The following GULP1 variants were observed in gnomAD, a reference collection of about 807,000 sequenced individuals.
GULP1 encodes the protein GULP PTB domain containing engulfment adaptor 1, also known as PTB domain-containing engulfment adapter protein 1.
A neutral mutation model predicts 40.9 loss-of-function variants in GULP1; 19 were observed. That is an observed-to-expected ratio of 0.46 (90% confidence interval 0.32 to 0.68). The LOEUF (loss-of-function observed/expected upper bound fraction) is 0.68. GULP1 is among the 30% of genes least tolerant of loss of function. The pLI is 0.03. For missense variants in GULP1, 312 were observed against 362.2 expected (o/e 0.86, Z 1.12); for synonymous variants, 119 against 117.6 (o/e 1.01, Z -0.08).
intron 10 of GULP1, among the ~76,000 whole-genome samples, chr2:188,586,873 A>T (rs1469515373): frequency 6.6e-6 from 1 of 151,570 alleles, no homozygotes; most frequent in Non-Finnish European, 1.5e-5. Flanking sequence ...TTTCTTTTTT[A>T]ATTTTTTAAT....
At chr2:188,576,527 A>C (rs1006263288) in intron 9 of GULP1, among the ~76,000 whole-genome samples, 2 of 152,174 alleles carry the variant, frequency 1.3e-5, no homozygotes, top group Non-Finnish European at 2.9e-5. Context: ...CTCATATAAA[A>C]ATTGATATGA....
chr2:188,373,728 A>G (rs1296993690), intron 1 of GULP1, among the ~76,000 whole-genome samples: 1 of 151,938 alleles, frequency 6.6e-6, no homozygotes, highest in African/African-American at 2.4e-5. Flanking sequence ...AAAATACCTT[A>G]TTAGAGTAGA....
chr2:188,460,874 C>T (rs2059647603), intron 2 of GULP1, among the ~76,000 whole-genome samples: 2 of 152,058 alleles, frequency 1.3e-5, no homozygotes, highest in Admixed American at 1.3e-4. Context: ...GTTGAATTTT[C>T]AGCATCAATT....
At position 188,580,385 on chromosome 2, in the gene GULP1, C is replaced by G. The variant is rs113741811; in HGVS notation, c.610-3880C>G. Among the ~76,000 whole-genome samples the G allele has an allele frequency of 2.7e-3, 411 of 151,856 alleles. 2 individuals carry two copies. Among genetic ancestry groups the G allele is most frequent in the African/African-American group, 9.4e-3 (390 of 41,408 alleles). ...CGGCTAAAACGGTGAAACCCCGTCT[C>G]TACTAAAAATACAAAAAATTAGCCG... On this transcript the variant is annotated intron_variant, in intron 9 of 11. Transcript: ENST00000409830.
chr2:188,566,044 G>A (rs1424616617), intron 7 of GULP1, among the ~76,000 whole-genome samples: 2 of 152,078 alleles, frequency 1.3e-5, no homozygotes, highest in Non-Finnish European at 2.9e-5. Context: ...AGGCATAAGA[G>A]ACATTCTGGT....
At chr2:188,512,348 A>T (rs1220628158) in intron 4 of GULP1, among the ~76,000 whole-genome samples, 2 of 152,144 alleles carry the variant, frequency 1.3e-5, no homozygotes, top group African/African-American at 2.4e-5. Flanking sequence ...TATTATAAAA[A>T]GTAGGAATTA....
intron 2 of GULP1, among the ~76,000 whole-genome samples, chr2:188,454,927 G>A (rs1025596927): frequency 3.9e-5 from 6 of 152,024 alleles, no homozygotes; most frequent in East Asian, 1.9e-4. Context: ...GTTCCAATCC[G>A]GCCTGGGAAA....
At chr2:188,398,913 A>G (rs1378971202) in intron 2 of GULP1, among the ~76,000 whole-genome samples, 1 of 152,222 alleles carries the variant, frequency 6.6e-6, no homozygotes, top group Non-Finnish European at 1.5e-5. Context: ...AATGCATGAA[A>G]AAATGGAAGT....
intron 1 of GULP1, among the ~76,000 whole-genome samples, chr2:188,382,957 A>G (rs936683357): frequency 6.6e-6 from 1 of 152,224 alleles, no homozygotes; most frequent in Non-Finnish European, 1.5e-5. Context: ...AAAAATATAG[A>G]TATGGCATCA....
intron 11 of GULP1, chr2:188,590,861 T>G (rs1476283247): frequency 6.6e-6 from 1 of 152,134 alleles, no homozygotes; most frequent in Non-Finnish European, 1.5e-5. Context: ...TAGCTAGTAC[T>G]CTGGGAGAAG....
intron 2 of GULP1, among the ~76,000 whole-genome samples, chr2:188,452,973 C>A (rs189315300): frequency 6.6e-6 from 1 of 151,560 alleles, no homozygotes; most frequent in Non-Finnish European, 1.5e-5. Flanking sequence ...CTATTTCTAA[C>A]AAAAGGTATA....
intron 7 of GULP1, among the ~76,000 whole-genome samples, chr2:188,561,512 G>A (rs1490445783): frequency 6.6e-6 from 1 of 152,150 alleles, no homozygotes; most frequent in Non-Finnish European, 1.5e-5. Context: ...TCATGCCTCT[G>A]GGAGGTGCAC....
At chr2:188,430,437 G>A (rs1311389690) in intron 2 of GULP1, among the ~76,000 whole-genome samples, 1 of 152,164 alleles carries the variant, frequency 6.6e-6, no homozygotes, top group Non-Finnish European at 1.5e-5. Context: ...TAAACTTGAT[G>A]AAAAGAGAAT....
At chr2:188,468,128 ATTATT>A (rs2060278276) in intron 2 of GULP1, among the ~76,000 whole-genome samples, 1 of 152,128 alleles carries the variant, frequency 6.6e-6, no homozygotes, top group African/African-American at 2.4e-5. Context: ...AAGGATATAT[ATTATT>A]TTAACAGATT....
chr2:188,491,823 C>A (rs2062419896), intron 4 of GULP1, among the ~76,000 whole-genome samples: 1 of 152,156 alleles, frequency 6.6e-6, no homozygotes, highest in East Asian at 1.9e-4. Flanking sequence ...AAAATAAAGT[C>A]ATGTTTGTCT....
At chr2:188,472,504 T>G (rs1162484413) in intron 2 of GULP1, among the ~76,000 whole-genome samples, 2 of 152,180 alleles carry the variant, frequency 1.3e-5, no homozygotes, top group Non-Finnish European at 2.9e-5. Context: ...CCATGTATTT[T>G]TCAATAGCTT....
chr2:188,361,041 T>C (rs2046002317), intron 1 of GULP1, among the ~76,000 whole-genome samples: 1 of 152,118 alleles, frequency 6.6e-6, no homozygotes, highest in Admixed American at 6.6e-5. Context: ...AAAATGTCAC[T>C]GCATTGCGTA....
At position 188,588,139 on chromosome 2, in the gene GULP1, T is replaced by C. The variant is rs1027864149; in HGVS notation, c.843+190T>C. The stretch of plus-strand genomic sequence containing the variant: ...ACTCCTACATATGCTAAGGATAAGG[T>C]TGTTGGTTTTTTAAATGGTTCAATT... On this transcript the variant is annotated intron_variant, in intron 11 of 11. Transcript: ENST00000409830. 4.7e-5 allele frequency: 28 copies of C among 592,100 alleles called. 1 individual carries two copies. The Admixed American group carries it at 7.3e-4, about 15-fold the overall frequency. 36.7% of individuals were successfully genotyped at this position (592,100 alleles called of 1,614,324 possible).
intron 2 of GULP1, among the ~76,000 whole-genome samples, chr2:188,427,785 A>G (rs1053564105): frequency 5.9e-5 from 9 of 152,202 alleles, no homozygotes; most frequent in African/African-American, 1.9e-4. Flanking sequence ...GGGAAGGGGA[A>G]ATGTGTGGTT....
Sources: allele counts gnomAD v4.1 joint callset (sites outside exome capture counted in the v4.1 genomes callset), GRCh38; gene constraint gnomAD v4.1.1; transcripts MANE v1.5; gene names NCBI Gene and HGNC (gene_info 2026-07-23, HGNC 2026-07-21).